Variants in EXOSC5 observed in about 807,000 individuals in gnomAD.
EXOSC5 encodes the protein exosome component 5.
A neutral mutation model predicts 23.7 loss-of-function variants in EXOSC5; 15 were observed. That is an observed-to-expected ratio of 0.63 (90% CI 0.42 to 0.97). EXOSC5 has a LOEUF of 0.97. Among genes scored for constraint, EXOSC5 ranks in the 50% least tolerant of loss-of-function variants. The probability of loss-of-function intolerance (pLI) is 0.00; values close to 1 mark genes in which losing one functional copy is unlikely to be tolerated. For synonymous variants in EXOSC5, 143 were observed against 140.9 expected (o/e 1.02, Z -0.11); for missense variants, 305 against 316.3 (o/e 0.96, Z 0.27).
At chr19:41,387,792 GAAA>G (rs58638587) in intron 4 of EXOSC5, among the ~76,000 whole-genome samples, 189 bp from the exon 5 acceptor site, 2 of 116,340 alleles carry the variant, frequency 1.7e-5, no homozygotes, top group African/African-American at 3.3e-5. Flanking sequence ...CCCCATCTCA[GAAA>G]AAAAAAAAAA....
chr19:41,391,078 T>C (rs532298214), intron 3 of EXOSC5, among the ~76,000 whole-genome samples: 36 of 152,208 alleles, frequency 2.4e-4, no homozygotes, highest in African/African-American at 6.0e-4. Flanking sequence ...GTAGAAGTGA[T>C]TGCCAGCCGG....
At chr19:41,388,116 A>G (rs2123219532) in intron 4 of EXOSC5, among the ~76,000 whole-genome samples, 1 of 152,324 alleles carries the variant, frequency 6.6e-6, no homozygotes, top group African/African-American at 2.4e-5. Context: ...TTCCCTGGGT[A>G]TAGCCCTCTG....
intron 3 of EXOSC5, among the ~76,000 whole-genome samples, chr19:41,391,010 C>G (rs1192928331): frequency 6.6e-6 from 1 of 152,210 alleles, no homozygotes; most frequent in East Asian, 1.9e-4. Context: ...CCTGACTCAG[C>G]TGCTGTCTGC....
In EXOSC5 at chr19:41,389,698, G is replaced by C. The variant is rs1030303855; in HGVS notation, c.525+67C>G. ...GAGCCGACTGTCTGTAGAGAAGCGA[G>C]GCCTGGAGGAAGGGACGGGCAGCTG... On this transcript the variant is annotated intron_variant, in intron 4 of 5. Transcript: ENST00000221233. The C allele has an allele frequency of 1.0e-5, 16 of 1,567,656 alleles. 1 individual carries two copies. Among genetic ancestry groups the C allele is most frequent in the Non-Finnish European group, 1.3e-5 (15 of 1,158,722 alleles).
At chr19:41,387,631 G>A in intron 4 of EXOSC5, 28 bp from the exon 5 acceptor site, 2 of 1,525,460 alleles carry the variant, frequency 1.3e-6, no homozygotes, top group Non-Finnish European at 1.8e-6. Flanking sequence ...AAGGCGGTGG[G>A]GGACCTAGGA....
At chr19:41,395,334 G>A (rs1203295870) in intron 1 of EXOSC5, among the ~76,000 whole-genome samples, 1 of 152,198 alleles carries the variant, frequency 6.6e-6, no homozygotes, top group Non-Finnish European at 1.5e-5. Context: ...TCTGGCTCCA[G>A]ATGAACTGCC....
chr19:41,391,586 T>C (rs2039022667), intron 3 of EXOSC5: 2 of 422,296 alleles, frequency 4.7e-6, no homozygotes, highest in Non-Finnish European at 8.2e-6. Context: ...ACGGTCTGGG[T>C]CTAAGTCTTG....
intron 1 of EXOSC5, among the ~76,000 whole-genome samples, chr19:41,396,622 T>C (rs1426627228): frequency 7.4e-4 from 21 of 28,270 alleles, no homozygotes; most frequent in Admixed American, 3.7e-3. Flanking sequence ...CTAATCTTTT[T>C]TTTTTTTTTT....
chr19:41,394,825 G>A (rs191509247), intron 1 of EXOSC5, among the ~76,000 whole-genome samples: 41 of 152,166 alleles, frequency 2.7e-4, no homozygotes, highest in Admixed American at 1.2e-3. Flanking sequence ...ACAGGGTCAG[G>A]AGTTCAAGAT....
chr19:41,386,605 T>C lies in EXOSC5; in HGVS notation c.*28A>G. The C allele has an allele frequency of 1.9e-6, 3 of 1,553,254 alleles. No homozygotes were observed. Among genetic ancestry groups the C allele is most frequent in the Non-Finnish European group, 2.6e-6 (3 of 1,146,382 alleles). On this transcript the variant is annotated 3_prime_UTR_variant, in exon 6 of 6. Transcript: ENST00000221233. ...GTAGGGGGTGAGTGGGTGGAGGCAATGGGAGCGGCCCCTTGCCCCAGCTTG... is the reference window on the plus strand; with the variant it reads ...GTAGGGGGTGAGTGGGTGGAGGCAACGGGAGCGGCCCCTTGCCCCAGCTTG...
chr19:41,397,138 C>T (rs762480159), intron 1 of EXOSC5, 43 bp downstream of exon 1: 1 of 1,606,984 alleles, frequency 6.2e-7, no homozygotes, highest in Non-Finnish European at 8.5e-7. Flanking sequence ...GCACAGTACA[C>T]GGTAGTCCCT....
chr19:41,392,385 C>T (rs921059661), intron 2 of EXOSC5, among the ~76,000 whole-genome samples: 27 of 152,216 alleles, frequency 1.8e-4, no homozygotes, highest in African/African-American at 6.5e-4. Flanking sequence ...AGATCAAGAC[C>T]ATCCTGGCCA....
chr19:41,392,056 T>C, intron 2 of EXOSC5, 94 bp from the exon 3 acceptor site: 4 of 1,507,956 alleles, frequency 2.7e-6, no homozygotes, highest in Non-Finnish European at 3.5e-6. Context: ...GGGCTCACGG[T>C]CTCAGCCTGG....
At chr19:41,391,658 A>T (rs2039023149) in intron 3 of EXOSC5, 183 bp downstream of exon 3, 2 of 692,454 alleles carry the variant, frequency 2.9e-6, no homozygotes, top group East Asian at 6.4e-5. Flanking sequence ...TAATGTGCAT[A>T]AGGCACACAG....
At chr19:41,396,282 C>T (rs1403033854) in intron 1 of EXOSC5, among the ~76,000 whole-genome samples, 1 of 151,968 alleles carries the variant, frequency 6.6e-6, no homozygotes, top group Non-Finnish European at 1.5e-5. Context: ...CGATCTCGGC[C>T]CACTGCAACT....
chr19:41,395,033 C>CA (rs1180002454), intron 1 of EXOSC5, among the ~76,000 whole-genome samples: 69 of 74,818 alleles, frequency 9.2e-4, no homozygotes, highest in African/African-American at 2.1e-3. Flanking sequence ...GACTCCATCT[C>CA]AAAAAAAAAA....
intron 1 of EXOSC5, among the ~76,000 whole-genome samples, chr19:41,395,057 AAAAG>A (rs1156326054): frequency 6.6e-6 from 1 of 151,596 alleles, no homozygotes; most frequent in Non-Finnish European, 1.5e-5. Context: ...GAAAAAAAAA[AAAAG>A]AACTCCTGAC....
chr19:41,389,718 C>A (rs777153554), intron 4 of EXOSC5, 47 bp downstream of exon 4: 4 of 1,589,032 alleles, frequency 2.5e-6, no homozygotes, highest in Non-Finnish European at 3.4e-6. Flanking sequence ...AAGGGACGGG[C>A]AGCTGTCTGG....
chr19:41,394,709 G>A (rs1021270298), intron 1 of EXOSC5, among the ~76,000 whole-genome samples: 5 of 151,908 alleles, frequency 3.3e-5, no homozygotes, highest in Non-Finnish European at 5.9e-5. Flanking sequence ...GTAGAGATGG[G>A]TTTTCACCAT....
Sources: gnomAD v4.1 joint callset for allele counts (sites outside exome capture counted in the v4.1 genomes callset) on GRCh38, gnomAD v4.1.1 for gene constraint, MANE v1.5 for transcripts, NCBI Gene and HGNC (gene_info 2026-07-23, HGNC 2026-07-21) for gene names.